TRAK2: variants seen among roughly 807,000 people sequenced by gnomAD.
The protein encoded by TRAK2 is trafficking kinesin-binding protein 2.
A neutral mutation model predicts 104.6 loss-of-function variants in TRAK2; 81 were observed. The ratio of observed to expected loss-of-function variants is 0.77; its 90% CI spans 0.65 to 0.93. The LOEUF (loss-of-function observed/expected upper bound fraction) is 0.93, where lower values mean the gene tolerates loss of function less well. Among genes scored for constraint, TRAK2 ranks in the 40% least tolerant of loss-of-function variants. The pLI, the probability that TRAK2 is intolerant of heterozygous loss-of-function variation, is 0.00. For synonymous variants in TRAK2, 406 were observed against 394.4 expected, an observed-to-expected ratio of 1.03 and a Z score of -0.35; for missense variants, 1,002 against 1,089.0, an observed-to-expected ratio of 0.92 and a Z score of 1.12.
At chr2:201,397,719 T>C (rs1163364001) in intron 6 of TRAK2, 139 bp from the exon 7 acceptor site, 6 of 625,632 alleles carry the variant, frequency 9.6e-6, no homozygotes, top group Non-Finnish European at 1.7e-5. Context: ...CATACATCTC[T>C]ACCTGGCTCA....
intron 1 of TRAK2, among the ~76,000 whole-genome samples, chr2:201,421,580 A>G (rs1257494213): frequency 6.6e-6 from 1 of 152,074 alleles, no homozygotes; most frequent in African/African-American, 2.4e-5. Context: ...GGGGGGGCAA[A>G]ATTCATCCCT....
chr2:201,447,218 T>A lies in TRAK2; in HGVS notation c.-200+4132A>T, dbSNP rs749836924. Among the ~76,000 whole-genome samples the A allele has an allele frequency of 2.4e-4, 36 of 152,232 alleles. No homozygotes were observed. Among genetic ancestry groups the A allele is most frequent in the Non-Finnish European group, 4.4e-4 (30 of 68,034 alleles). ...GATAAAGTTTAAGCCCCTTGGCATC[T>A]CATGTAAAATCTTCCTAATCCAGCC... On this transcript the variant is annotated intron_variant, in intron 1 of 15. Transcript: ENST00000332624. This position sits in a 1 kb window ranked among gnomAD's most constrained non-coding sequence, Gnocchi z 4.1.
chr2:201,427,440 C>A (rs945861103), intron 1 of TRAK2, among the ~76,000 whole-genome samples: 1 of 151,490 alleles, frequency 6.6e-6, no homozygotes, highest in Non-Finnish European at 1.5e-5. Context: ...TCTGTCCTTG[C>A]GATAGTTTGC....
intron 9 of TRAK2, among the ~76,000 whole-genome samples, chr2:201,393,353 G>A (rs1337492388): frequency 6.6e-6 from 1 of 152,000 alleles, no homozygotes; most frequent in Non-Finnish European, 1.5e-5. Context: ...CTTAACAGAG[G>A]AAGTATAACA....
intron 15 of TRAK2, 75 bp downstream of exon 15, chr2:201,384,036 G>A: frequency 1.1e-6 from 1 of 914,658 alleles, no homozygotes; most frequent in Non-Finnish European, 1.7e-6. Context: ...TAAAATGAAG[G>A]TAATTTTAAA....
rs191512628 is a variant in TRAK2, at chr2:201,381,095, G to A, written c.2193C>T (p.Ser731=). 45 of 1,613,864 alleles carry A rather than the reference G, an allele frequency of 2.8e-5. No homozygotes were observed. In the African/African-American group the frequency reaches 4.9e-4, roughly 18 times the overall value. The change falls in exon 16 of 16, where the codon TCC becomes TCT. Residue 731 remains serine (S), a synonymous_variant. Transcript: ENST00000332624. ...IGESITNRRD[S]TTTFSSTMSL... ...TCATGGTGCTACTGAAGGTTGTAGT[G>A]GAATCTCGTCGGTTGGTGATGGACT... is the stretch of plus-strand genomic sequence containing the variant.
Position 201,380,448 on chromosome 2 carries a change from T to C in TRAK2, c.*95A>G, listed in dbSNP as rs148425193. The C allele has an allele frequency of 1.3e-4, 160 of 1,264,724 alleles. No individual in the cohort carries two copies. Among genetic ancestry groups the C allele is most frequent in the Non-Finnish European group, 1.7e-4 (151 of 911,944 alleles). 78.3% of individuals were successfully genotyped at this position (1,264,724 alleles called of 1,614,324 possible). ...TCACATTCACAACCCTTGTGCAACATTCCTTTTCTCTCAAGTCAGACCAGA... is the reference window on the plus strand; with the variant it reads ...TCACATTCACAACCCTTGTGCAACACTCCTTTTCTCTCAAGTCAGACCAGA... On this transcript the variant is annotated 3_prime_UTR_variant, in exon 16 of 16. Transcript: ENST00000332624.
chr2:201,399,536 G>A (rs754735032), intron 4 of TRAK2, 43 bp from the exon 5 acceptor site: 2 of 1,463,442 alleles, frequency 1.4e-6, no homozygotes, highest in South Asian at 1.2e-5. Flanking sequence ...GTATAAACAA[G>A]GTTAAATGGC....
intron 1 of TRAK2, among the ~76,000 whole-genome samples, chr2:201,427,379 T>G (rs1951798970): frequency 6.9e-6 from 1 of 145,062 alleles, no homozygotes; most frequent in South Asian, 2.3e-4. Flanking sequence ...TGTCCAAGTG[T>G]TCTCATTGTT....
rs1175126631 is a variant in TRAK2 at position 201,379,219 on chromosome 2, ACTT to A, written c.*1321_*1323del. Reference sequence around the variant, plus strand: ...AGCAACATTGAGAAAAAACAGATCTACTTCTTTCCATTTCTTAGCCTGTGTCAA... The same window carrying A: ...AGCAACATTGAGAAAAAACAGATCTACTTTCCATTTCTTAGCCTGTGTCAA... On this transcript the variant is annotated 3_prime_UTR_variant, in exon 16 of 16. Coordinates refer to ENST00000332624, the MANE Select transcript of TRAK2 (RefSeq NM_015049.3). The A allele has an allele frequency of 1.3e-5, 2 of 152,140 alleles. No homozygotes were observed. Among genetic ancestry groups the A allele is most frequent in the African/African-American group, 2.4e-5 (1 of 41,430 alleles). The allele number at this position is 152,140 out of a possible 1,614,324, so 9.4% of individuals were successfully genotyped here. A position where few individuals can be genotyped will look rare whatever the true frequency, so the allele number is the denominator to read the frequency against.
intron 2 of TRAK2, among the ~76,000 whole-genome samples, chr2:201,410,243 T>G (rs1338363727): frequency 2.0e-5 from 3 of 152,020 alleles, no homozygotes; most frequent in African/African-American, 4.8e-5. Flanking sequence ...GAGGCGGAGC[T>G]TGCAGTGAGC....
intron 11 of TRAK2, 29 bp from the exon 12 acceptor site, chr2:201,389,532 TCA>T: frequency 6.2e-7 from 1 of 1,600,982 alleles, no homozygotes; most frequent in African/African-American, 1.3e-5. Context: ...TTCGTTATTA[TCA>T]CTGCTAGCCA....
chr2:201,421,760 A>G (rs1467444804), intron 1 of TRAK2, among the ~76,000 whole-genome samples: 1 of 152,178 alleles, frequency 6.6e-6, no homozygotes, highest in East Asian at 1.9e-4. Flanking sequence ...ATAAAAGTGC[A>G]AATTGGGGCT....
rs1003810669 is a variant in TRAK2 at position 201,395,159 on chromosome 2, T to C, written c.900+155A>G. On this transcript the variant is annotated intron_variant, in intron 8 of 15. Transcript: ENST00000332624. ...GAAAGTATTTATTCATGATATCTTA[T>C]ATGACATAAAGATGATTAAAACAGC... The C allele has an allele frequency of 7.4e-5, 48 of 651,854 alleles. No individual in the cohort carries two copies. In the South Asian group the frequency reaches 9.6e-4, roughly 13 times the overall value. 40.4% of individuals were successfully genotyped at this position (651,854 alleles called of 1,614,324 possible).
intron 2 of TRAK2, chr2:201,411,634 G>A: frequency 1.2e-6 from 1 of 805,094 alleles, no homozygotes. Flanking sequence ...CCAGTCAGCT[G>A]CTCTTTGGTG....
At chr2:201,396,968 A>G (rs1388211729) in intron 7 of TRAK2, among the ~76,000 whole-genome samples, 1 of 152,210 alleles carries the variant, frequency 6.6e-6, no homozygotes, top group Non-Finnish European at 1.5e-5. Context: ...GTAAGGGACA[A>G]CTGTTGTATT....
At chr2:201,384,859 G>A (rs1951374425) in intron 14 of TRAK2, among the ~76,000 whole-genome samples, 1 of 152,164 alleles carries the variant, frequency 6.6e-6, no homozygotes, top group African/African-American at 2.4e-5. Context: ...GATGAAAAAT[G>A]GGAAGGATGT....
At chr2:201,427,020 A>G (rs965583139) in intron 1 of TRAK2, among the ~76,000 whole-genome samples, 1 of 152,176 alleles carries the variant, frequency 6.6e-6, no homozygotes, top group Non-Finnish European at 1.5e-5. Flanking sequence ...AGATGGGGAT[A>G]TTAATAACCA....
intron 1 of TRAK2, among the ~76,000 whole-genome samples, chr2:201,423,172 T>G (rs1951758271): frequency 6.6e-6 from 1 of 151,862 alleles, no homozygotes; most frequent in African/African-American, 2.4e-5. Context: ...ACTCCTGGCC[T>G]CAAGTGATCC....
Sources: allele counts gnomAD v4.1 joint callset (sites outside exome capture counted in the v4.1 genomes callset), GRCh38; gene constraint gnomAD v4.1.1; non-coding constraint Gnocchi (gnomAD v3.1); transcripts MANE v1.5; gene names NCBI Gene and HGNC (gene_info 2026-07-23, HGNC 2026-07-21).